Variants in EVC observed in about 807,000 individuals in gnomAD.
EVC encodes EvC ciliary complex subunit 1, also known as evC complex member EVC.
In EVC, 116 loss-of-function variants were observed where a neutral mutation model predicts 118.9. The observed-to-expected ratio is 0.98, with a 90% confidence interval of 0.84 to 1.14. The LOEUF (loss-of-function observed/expected upper bound fraction) is 1.14. Among genes scored for constraint, EVC ranks in the 50% most tolerant of loss-of-function variants. The pLI is 0.00. For synonymous variants in EVC, 619 were observed against 534.7 expected, an observed-to-expected ratio of 1.16 and a Z score of -2.18; for missense variants, 1,401 against 1,246.4, an observed-to-expected ratio of 1.12 and a Z score of -1.87.
Position 5,749,809 on chromosome 4 carries a change from G to A in EVC, c.1098+1503G>A, listed in dbSNP as rs780864880. ...AGCACAGACTCAGCTCCTCAGACCC[G>A]TGGGAAAGCCAAGCCTCAACGGATC... On this transcript the variant is annotated intron_variant, in intron 8 of 20. Coordinates refer to ENST00000264956, the MANE Select transcript of EVC (RefSeq NM_153717.3). This position sits in a 1 kb window ranked among gnomAD's most constrained non-coding sequence, Gnocchi z 4.4. Among the ~76,000 whole-genome samples, 5 of 152,078 alleles carry A rather than the reference G, an allele frequency of 3.3e-5. No homozygotes were observed. The highest frequency in any genetic ancestry group is 6.5e-5 in the Admixed American group (1 of 15,270).
At chr4:5,727,699 G>A (rs1397172995) in intron 2 of EVC, among the ~76,000 whole-genome samples, 2 of 151,960 alleles carry the variant, frequency 1.3e-5, no homozygotes, top group African/African-American at 4.8e-5. Flanking sequence ...GGTTTTTATG[G>A]TTTTAGGTCT....
the EVC span, chr4:5,828,806 A>ATT: frequency 9.4e-7 from 1 of 1,067,790 alleles, no homozygotes; most frequent in African/African-American, 1.7e-5. Context: ...CCTTTTATTG[A>ATT]CTGTAATATT....
chr4:5,783,807 GA>G (rs1660214804), intron 12 of EVC, 43 bp downstream of exon 12: 1 of 1,537,946 alleles, frequency 6.5e-7, no homozygotes, highest in Non-Finnish European at 8.8e-7. Flanking sequence ...CTGCATTTTA[GA>G]AACACACGAA....
intron 12 of EVC, among the ~76,000 whole-genome samples, chr4:5,792,572 G>A (rs1039400128): frequency 1.3e-5 from 2 of 152,192 alleles, no homozygotes; most frequent in Non-Finnish European, 2.9e-5. Flanking sequence ...AAGTCAGGCC[G>A]TGAAAAGATC....
Position 5,811,009 on chromosome 4 carries a change from A to T in EVC, c.2951A>T (p.Lys984Met). 5.6e-6 allele frequency: 9 copies of T among 1,612,956 alleles called. No individual in the cohort carries two copies. In the South Asian group the frequency reaches 8.8e-5, roughly 16 times the overall value. The change falls in exon 21 of 21, where the codon AAG (lysine) becomes ATG (methionine). Residue 984 changes from lysine (K) to methionine (M), a missense_variant. Physicochemically the swap from Lys to Met is moderately conservative, Grantham distance 95. Coordinates refer to ENST00000264956, the MANE Select transcript of EVC (RefSeq NM_153717.3). ...SEAGDSGNSK[K>M]MLKRRSNL is the part of the protein sequence containing the mutation. ...GCTGGGGACAGTGGGAACTCAAAGA[A>T]GATGCTAAAGAGAAGAAGCAACTTG... is the stretch of plus-strand genomic sequence containing the variant.
downstream of EVC, among the ~76,000 whole-genome samples, chr4:5,816,876 C>T (rs917670722): frequency 6.6e-6 from 1 of 152,128 alleles, no homozygotes; most frequent in African/African-American, 2.4e-5. Flanking sequence ...TGGACCAAGG[C>T]ACTTGCCGTC....
downstream of EVC, among the ~76,000 whole-genome samples, chr4:5,816,697 C>CCCCTCTCTCCCCT (rs1276844972): frequency 2.2e-5 from 3 of 134,402 alleles, no homozygotes; most frequent in Non-Finnish European, 3.2e-5. Context: ...CTTCCCTTCT[C>CCCCTCTCTCCCCT]CCCTCTCTCC....
In EVC at chr4:5,804,532, G is replaced by A. The variant is rs1272321204; in HGVS notation, c.2450-198G>A. Among the ~76,000 whole-genome samples the A allele has an allele frequency of 2.6e-5, 4 of 152,178 alleles. No individual in the cohort carries two copies. The East Asian group carries it at 7.7e-4, about 29-fold the overall frequency. ...GAGCAGGTGGACAGGGCGCATCATA[G>A]TTTCGCTCTGCAGTGCCTGGTCCAT... On this transcript the variant is annotated intron_variant, in intron 16 of 20. Coordinates refer to ENST00000264956, the MANE Select transcript of EVC (RefSeq NM_153717.3).
chr4:5,802,755 C>T (rs1038278109), intron 16 of EVC, among the ~76,000 whole-genome samples: 2 of 152,092 alleles, frequency 1.3e-5, no homozygotes, highest in Middle Eastern at 3.2e-3. Context: ...AGGTGGAGCT[C>T]GGGCGGTAAT....
At chr4:5,750,968 A>T (rs1730261300) in intron 8 of EVC, among the ~76,000 whole-genome samples, 1 of 152,132 alleles carries the variant, frequency 6.6e-6, no homozygotes, top group Non-Finnish European at 1.5e-5. Flanking sequence ...TGGAGCTGAA[A>T]TGTGCATCTG....
chr4:5,817,188 G>A (rs556055989), downstream of EVC, among the ~76,000 whole-genome samples: 3 of 152,216 alleles, frequency 2.0e-5, no homozygotes, highest in Admixed American at 6.5e-5. Flanking sequence ...GGAGGTCCTG[G>A]TCGACATTCT....
rs146712125 is a variant in EVC at position 5,796,221 on chromosome 4, A to T, written c.1887-801A>T. On this transcript the variant is annotated intron_variant, in intron 13 of 20. Coordinates refer to ENST00000264956, the MANE Select transcript of EVC (RefSeq NM_153717.3). ...TATCATTTAATTTCTGGAACATATT[A>T]ATCATAATTAGTGTAAAGGTTGTGT... is the stretch of plus-strand genomic sequence containing the variant. 9.5e-4 allele frequency among the ~76,000 whole-genome samples: 144 copies of T among 151,884 alleles called. 1 individual carries two copies. The East Asian group carries it at 0.024, about 26-fold the overall frequency.
Position 5,808,307 on chromosome 4 carries a change from C to A in EVC, c.2668C>A (p.Gln890Lys), listed in dbSNP as rs1156454852. 1 of 1,614,210 alleles carries A rather than the reference C, an allele frequency of 6.2e-7. No homozygotes were observed. The highest frequency in any genetic ancestry group is 8.5e-7 in the Non-Finnish European group (1 of 1,180,056). ...QAGVMDLLEA[Q>K]LETQLQEAEQ... is the part of the protein sequence containing the mutation. ...AGGAGTCATGGACCTTCTGGAAGCCCAGCTGGAGACCCAGCTACAGGTACA... is the reference window on the plus strand; with the variant it reads ...AGGAGTCATGGACCTTCTGGAAGCCAAGCTGGAGACCCAGCTACAGGTACA... The change falls in exon 18 of 21, where the codon CAG (glutamine) becomes AAG (lysine). Residue 890 changes from glutamine (Q) to lysine (K), a missense_variant. Gln to Lys is a moderately conservative substitution (Grantham distance 53). Coordinates refer to ENST00000264956, the MANE Select transcript of EVC (RefSeq NM_153717.3).
At chr4:5,745,925 T>C (rs1442098342) in intron 7 of EVC, among the ~76,000 whole-genome samples, 6 of 152,136 alleles carry the variant, frequency 3.9e-5, no homozygotes, top group Admixed American at 3.9e-4. Flanking sequence ...TGACACATCT[T>C]GTGATAGAAG....
chr4:5,758,097 A>C (rs537688241), intron 11 of EVC: 48 of 702,500 alleles, frequency 6.8e-5, no homozygotes, highest in South Asian at 6.8e-4. Context: ...ATGAGAAGAC[A>C]TAGAGACACA....
the EVC span, chr4:5,828,550 C>T: frequency 5.0e-6 from 8 of 1,614,224 alleles, no homozygotes; most frequent in East Asian, 2.2e-5. Context: ...CGGAATGAAG[C>T]GGCCCATGCC....
intron 11 of EVC, among the ~76,000 whole-genome samples, chr4:5,769,863 A>G (rs973894329): frequency 6.6e-6 from 1 of 152,108 alleles, no homozygotes; most frequent in Non-Finnish European, 1.5e-5. Context: ...GTGCTTATGA[A>G]GTGTCTGAGA....
chr4:5,746,465 G>A lies in EVC; in HGVS notation c.939+1124G>A, dbSNP rs1729368037. Reference sequence around the variant, plus strand: ...CAGAGCAAGATGCTCATGGGAGGGAGGGAGCCAATGCTCCTGTCCTCTGAA... The same window carrying A: ...CAGAGCAAGATGCTCATGGGAGGGAAGGAGCCAATGCTCCTGTCCTCTGAA... On this transcript the variant is annotated intron_variant, in intron 7 of 20. Coordinates refer to ENST00000264956, the MANE Select transcript of EVC (RefSeq NM_153717.3). This position sits in a 1 kb window ranked among gnomAD's most constrained non-coding sequence, Gnocchi z 5.8. 6.6e-6 allele frequency among the ~76,000 whole-genome samples: 1 copy of A among 152,206 alleles called. No individual in the cohort carries two copies. Among genetic ancestry groups the A allele is most frequent in the Admixed American group, 6.5e-5 (1 of 15,288 alleles).
chr4:5,751,406 G>A (rs981924219), intron 8 of EVC, among the ~76,000 whole-genome samples: 1 of 152,236 alleles, frequency 6.6e-6, no homozygotes, highest in African/African-American at 2.4e-5. Context: ...GCCTGTGTTG[G>A]GTTCTCAACA....
Sources: gnomAD v4.1 joint callset for allele counts (sites outside exome capture counted in the v4.1 genomes callset) on GRCh38, gnomAD v4.1.1 for gene constraint, Gnocchi (gnomAD v3.1) non-coding constraint, MANE v1.5 for transcripts, NCBI Gene and HGNC (gene_info 2026-07-23, HGNC 2026-07-21) for gene names.